The following EPB41L2 variants were observed in gnomAD, a reference collection of about 807,000 sequenced individuals.
EPB41L2 encodes erythrocyte membrane protein band 4.1 like 2, also known as band 4.1-like protein 2.
Under a neutral mutation model 113.0 loss-of-function variants are expected in EPB41L2, and 43 were observed. The ratio of observed to expected loss-of-function variants is 0.38; its 90% CI spans 0.30 to 0.49. The LOEUF is 0.49. Ranked by LOEUF, EPB41L2 falls within the 20% of genes least tolerant of loss-of-function variation. The pLI is 0.95. For missense variants in EPB41L2, 1,147 were observed against 1,223.4 expected, an observed-to-expected ratio of 0.94 and a Z score of 0.93; for synonymous variants, 442 against 436.7, an observed-to-expected ratio of 1.01 and a Z score of -0.15.
chr6:131,025,135 C>T (rs1790558930), intron 1 of EPB41L2, among the ~76,000 whole-genome samples: 1 of 151,974 alleles, frequency 6.6e-6, no homozygotes, highest in Admixed American at 6.6e-5. Flanking sequence ...AGAATAGCAG[C>T]CAGATACCCA....
At chr6:130,999,900 T>C (rs1360179075) in intron 1 of EPB41L2, among the ~76,000 whole-genome samples, 1 of 152,168 alleles carries the variant, frequency 6.6e-6, no homozygotes, top group African/African-American at 2.4e-5. Flanking sequence ...CCTAACCTCC[T>C]GGCAAAAAAT....
At chr6:130,984,009 C>A (rs1033223892) in intron 1 of EPB41L2, among the ~76,000 whole-genome samples, 4 of 152,158 alleles carry the variant, frequency 2.6e-5, no homozygotes, top group Non-Finnish European at 5.9e-5. Context: ...CAAAAATATT[C>A]TTTCTTTATA....
intron 8 of EPB41L2, among the ~76,000 whole-genome samples, chr6:130,895,361 C>A (rs182680767): frequency 1.3e-5 from 2 of 152,256 alleles, no homozygotes; most frequent in Non-Finnish European, 2.9e-5. Context: ...CCATAAGACA[C>A]AGTGTCCTTC....
intron 12 of EPB41L2, chr6:130,881,656 G>A (rs1347733908): frequency 1.3e-5 from 2 of 152,016 alleles, no homozygotes; most frequent in East Asian, 3.9e-4. Flanking sequence ...TAGTAGCACA[G>A]AGGTAGGATA....
chr6:130,893,511 T>C (rs946073735), intron 10 of EPB41L2, among the ~76,000 whole-genome samples: 2 of 152,124 alleles, frequency 1.3e-5, no homozygotes, highest in African/African-American at 2.4e-5. Context: ...CCATGAGCAT[T>C]TGGAGTGGCA....
chr6:130,979,513 A>G (rs74852695), intron 1 of EPB41L2, among the ~76,000 whole-genome samples: 6 of 141,658 alleles, frequency 4.2e-5, no homozygotes, highest in East Asian at 2.1e-4. Context: ...AAAAAAAAAA[A>G]GGAAACTGGT....
At chr6:131,023,684 C>CA (rs146085647) in intron 1 of EPB41L2, among the ~76,000 whole-genome samples, 49,479 of 146,610 alleles carry the variant, frequency 0.34, 8,619 homozygotes, top group Non-Finnish European at 0.38. Flanking sequence ...GACTTCGTCT[C>CA]AAAAACAGAA....
At chr6:130,858,029 A>T in intron 19 of EPB41L2, 102 bp downstream of exon 19, 1 of 906,738 alleles carries the variant, frequency 1.1e-6, no homozygotes, top group Non-Finnish European at 1.8e-6. Flanking sequence ...AATGTACTAT[A>T]GGAAGAAGAC....
Position 130,869,622 on chromosome 6 carries a change from T to C in EPB41L2, c.2548A>G (p.Asn850Asp). The C allele has an allele frequency of 6.2e-7, 1 of 1,614,202 alleles. No individual in the cohort carries two copies. Among genetic ancestry groups the C allele is most frequent in the Non-Finnish European group, 8.5e-7 (1 of 1,180,030 alleles). The change falls in exon 15 of 20, where the codon AAC becomes GAC. Residue 850 changes from asparagine (N) to aspartate (D), a missense_variant. Transcript: ENST00000337057. ...ATGTCAACATGGGACACCTCTCCGTTAACTTTCTGTGGCTCTTCCTCTGCT... is the reference window on the plus strand; with the variant it reads ...ATGTCAACATGGGACACCTCTCCGTCAACTTTCTGTGGCTCTTCCTCTGCT... The part of the protein sequence containing the change: ...EEAEEEPQKV[N>D]GEVSHVDIDV...
intron 1 of EPB41L2, among the ~76,000 whole-genome samples, chr6:131,037,798 A>T (rs1025953419): frequency 9.9e-5 from 15 of 152,184 alleles, no homozygotes; most frequent in African/African-American, 3.4e-4. Context: ...CATCTTGGCC[A>T]AGCTGGTCTC....
At chr6:130,858,030 G>T in intron 19 of EPB41L2, 101 bp downstream of exon 19, 1 of 920,092 alleles carries the variant, frequency 1.1e-6, no homozygotes. Context: ...ATGTACTATA[G>T]GAAGAAGACA....
At chr6:130,947,405 C>T (rs1451129507) in intron 3 of EPB41L2, among the ~76,000 whole-genome samples, 1 of 152,044 alleles carries the variant, frequency 6.6e-6, no homozygotes, top group East Asian at 1.9e-4. Context: ...AGAAAAAGAA[C>T]AAACAATAAC....
intron 8 of EPB41L2, among the ~76,000 whole-genome samples, chr6:130,897,926 T>C (rs1374074784): frequency 2.0e-5 from 3 of 152,000 alleles, no homozygotes; most frequent in African/African-American, 7.2e-5. Context: ...GGTATGAAAG[T>C]ACTTTTTAAA....
intron 3 of EPB41L2, among the ~76,000 whole-genome samples, chr6:130,940,001 C>T (rs1330777623): frequency 1.3e-5 from 2 of 152,166 alleles, no homozygotes; most frequent in African/African-American, 2.4e-5. Context: ...CATATGCACA[C>T]GTGATTCTTC....
At chr6:130,959,607 A>C (rs376679181) in intron 1 of EPB41L2, among the ~76,000 whole-genome samples, 2 of 152,304 alleles carry the variant, frequency 1.3e-5, no homozygotes, top group Admixed American at 6.5e-5. Flanking sequence ...TGAAATTCAA[A>C]AGTATGTCTT....
chr6:130,844,860 T>C (rs1776512877), intron 19 of EPB41L2, among the ~76,000 whole-genome samples: 1 of 151,926 alleles, frequency 6.6e-6, no homozygotes, highest in Non-Finnish European at 1.5e-5. Flanking sequence ...CTGGCCAACA[T>C]GGCGAAACCC....
intron 3 of EPB41L2, among the ~76,000 whole-genome samples, chr6:130,938,674 C>T (rs540596475): frequency 3.3e-5 from 5 of 152,232 alleles, no homozygotes; most frequent in African/African-American, 1.2e-4. Flanking sequence ...CCTCCCACCC[C>T]AAAATGCCTT....
At chr6:130,927,363 T>A (rs964031017) in intron 3 of EPB41L2, among the ~76,000 whole-genome samples, 3 of 152,150 alleles carry the variant, frequency 2.0e-5, no homozygotes, top group Non-Finnish European at 4.4e-5. Flanking sequence ...AAGAAGCTGC[T>A]GTGAACAGAG....
chr6:130,919,751 A>T (rs1802291622), intron 4 of EPB41L2, among the ~76,000 whole-genome samples: 1 of 152,182 alleles, frequency 6.6e-6, no homozygotes, highest in South Asian at 2.1e-4. Flanking sequence ...TTCAGCTATG[A>T]CACTAAGGTT....
Sources: gnomAD v4.1 joint callset for allele counts (sites outside exome capture counted in the v4.1 genomes callset) on GRCh38, gnomAD v4.1.1 for gene constraint, MANE v1.5 for transcripts, NCBI Gene and HGNC (gene_info 2026-07-23, HGNC 2026-07-21) for gene names.